The following EXOC4 variants were observed in gnomAD, a reference collection of about 807,000 sequenced individuals.
EXOC4 encodes the protein exocyst complex component 4.
In EXOC4, 71 loss-of-function variants were observed where a neutral mutation model predicts 107.2. The ratio of observed to expected loss-of-function variants is 0.66; its 90% CI spans 0.55 to 0.81. The LOEUF (loss-of-function observed/expected upper bound fraction) is 0.81, where lower values mean the gene tolerates loss of function less well. Ranked by LOEUF, EXOC4 falls within the 30% of genes least tolerant of loss-of-function variation. The pLI is 0.00. For missense variants in EXOC4, 1,108 were observed against 1,189.6 expected (o/e 0.93, Z 1.01); for synonymous variants, 456 against 441.2 (o/e 1.03, Z -0.42).
the EXOC4 span, among the ~76,000 whole-genome samples, chr7:134,073,644 G>A: frequency 6.6e-6 from 1 of 151,574 alleles, no homozygotes; most frequent in East Asian, 1.9e-4. Context: ...ATGAAATTGA[G>A]GTGAGAAAAA....
chr7:133,958,591 A>G (rs1011150647), intron 14 of EXOC4, among the ~76,000 whole-genome samples: 3 of 152,230 alleles, frequency 2.0e-5, no homozygotes, highest in Non-Finnish European at 4.4e-5. Flanking sequence ...CTCTGGCACA[A>G]AAAACACTGT....
intron 9 of EXOC4, among the ~76,000 whole-genome samples, chr7:133,533,266 CTG>C (rs1388717187): frequency 2.0e-5 from 3 of 152,034 alleles, no homozygotes. Context: ...GATTCTGAGA[CTG>C]TTATGTCTGG....
At chr7:133,382,603 T>C (rs138446973) in intron 7 of EXOC4, among the ~76,000 whole-genome samples, 1 of 152,308 alleles carries the variant, frequency 6.6e-6, no homozygotes, top group Non-Finnish European at 1.5e-5. Flanking sequence ...AACAGAATAC[T>C]AGAAGCCTTT....
intron 7 of EXOC4, among the ~76,000 whole-genome samples, chr7:133,376,832 A>G (rs758822296): frequency 5.3e-5 from 8 of 152,144 alleles, no homozygotes; most frequent in Non-Finnish European, 1.0e-4. Flanking sequence ...GCTACTATAG[A>G]TCTCATACAG....
At chr7:134,022,367 T>C (rs1197456812) in intron 17 of EXOC4, among the ~76,000 whole-genome samples, 1 of 152,184 alleles carries the variant, frequency 6.6e-6, no homozygotes, top group Non-Finnish European at 1.5e-5. Flanking sequence ...CTGATTGCTT[T>C]AGTTAAGTTT....
chr7:134,045,764 C>T (rs966018590), intron 17 of EXOC4, among the ~76,000 whole-genome samples: 3 of 152,090 alleles, frequency 2.0e-5, no homozygotes, highest in African/African-American at 7.2e-5. Context: ...TATCCATTAG[C>T]AGTCACTCCT....
At chr7:133,297,903 G>A (rs949323478) in intron 3 of EXOC4, among the ~76,000 whole-genome samples, 1 of 152,160 alleles carries the variant, frequency 6.6e-6, no homozygotes, top group Non-Finnish European at 1.5e-5. Context: ...TACCTAAGTC[G>A]TTTGCTGCCA....
intron 7 of EXOC4, among the ~76,000 whole-genome samples, chr7:133,451,850 G>A (rs1798355482): frequency 6.6e-6 from 1 of 152,136 alleles, no homozygotes; most frequent in South Asian, 2.1e-4. Flanking sequence ...TAATTGATAT[G>A]ATGGAAAGAG....
At chr7:133,974,393 C>T (rs368226309) in intron 14 of EXOC4, among the ~76,000 whole-genome samples, 34 of 152,158 alleles carry the variant, frequency 2.2e-4, no homozygotes, top group Middle Eastern at 3.2e-3. Context: ...CAGCTTAATT[C>T]TAAATACAAA....
At chr7:133,329,841 C>T (rs1054480952) in intron 5 of EXOC4, among the ~76,000 whole-genome samples, 64 of 152,264 alleles carry the variant, frequency 4.2e-4, no homozygotes, top group African/African-American at 1.5e-3. Flanking sequence ...CCAGAGCTCT[C>T]CTTTATGAGG....
chr7:134,031,884 ATTTT>A (rs1021173376), intron 17 of EXOC4, among the ~76,000 whole-genome samples: 19 of 152,312 alleles, frequency 1.2e-4, no homozygotes, highest in Admixed American at 1.2e-3. Flanking sequence ...AGTTGTGGTT[ATTTT>A]AATAAGCAGT....
chr7:133,990,580 T>C (rs1794229212), intron 14 of EXOC4, among the ~76,000 whole-genome samples: 2 of 152,078 alleles, frequency 1.3e-5, no homozygotes, highest in Admixed American at 1.3e-4. Context: ...CTTAGCCTCC[T>C]GAGTAGCTAG....
At chr7:133,300,875 G>A (rs1364056375) in intron 3 of EXOC4, among the ~76,000 whole-genome samples, 1 of 142,744 alleles carries the variant, frequency 7.0e-6, no homozygotes, top group African/African-American at 2.8e-5. Context: ...TTAATAATAT[G>A]ATAGATACCA....
chr7:133,567,164 A>G (rs1475268314), intron 9 of EXOC4, among the ~76,000 whole-genome samples: 4 of 152,236 alleles, frequency 2.6e-5, no homozygotes, highest in Non-Finnish European at 5.9e-5. Flanking sequence ...CTCCTCTCCA[A>G]TAGATACCCT....
chr7:134,073,205 CAAAAAAAAAAAAAAAA>C, the EXOC4 span, among the ~76,000 whole-genome samples: 1 of 22,588 alleles, frequency 4.4e-5, no homozygotes, highest in Non-Finnish European at 7.2e-5. Flanking sequence ...GACTTCCTCT[CAAAAAAAAAAAAAAAA>C]AAAAAAAAAA....
intron 9 of EXOC4, among the ~76,000 whole-genome samples, chr7:133,549,287 C>T (rs184152168): frequency 7.4e-4 from 113 of 152,256 alleles, no homozygotes; most frequent in Admixed American, 1.6e-3. Flanking sequence ...CAACCACGCC[C>T]GTCCTCTAGC....
intron 1 of EXOC4, among the ~76,000 whole-genome samples, chr7:133,256,987 AT>A (rs1562990823): frequency 6.6e-6 from 1 of 152,220 alleles, no homozygotes; most frequent in Admixed American, 6.5e-5. Context: ...GTATTATATG[AT>A]TTTTTAAGTG....
chr7:133,791,093 T>C (rs1477170513), intron 10 of EXOC4, among the ~76,000 whole-genome samples: 1 of 152,206 alleles, frequency 6.6e-6, no homozygotes, highest in African/African-American at 2.4e-5. Context: ...TATTAGGGAC[T>C]GATATTGAAC....
chr7:133,328,181 T>G (rs1478701155), intron 5 of EXOC4, among the ~76,000 whole-genome samples: 5 of 152,170 alleles, frequency 3.3e-5, no homozygotes, highest in African/African-American at 9.7e-5. Flanking sequence ...TTTACCAATA[T>G]GTACTGGCCT....
Sources: allele counts gnomAD v4.1 joint callset (sites outside exome capture counted in the v4.1 genomes callset), GRCh38; gene constraint gnomAD v4.1.1; transcripts MANE v1.5; gene names NCBI Gene and HGNC (gene_info 2026-07-23, HGNC 2026-07-21).